Variants in PDGFC observed in about 807,000 individuals in gnomAD.
The protein encoded by PDGFC is platelet derived growth factor C, also known as platelet-derived growth factor C.
In PDGFC, 12 loss-of-function variants were observed where a neutral mutation model predicts 35.5. The ratio of observed to expected loss-of-function variants is 0.34; its 90% confidence interval spans 0.22 to 0.55. PDGFC has a LOEUF of 0.55. PDGFC is among the 20% of genes least tolerant of loss of function. The probability of loss-of-function intolerance (pLI) is 0.91; values close to 1 mark genes in which losing one functional copy is unlikely to be tolerated. For synonymous variants in PDGFC, 159 were observed against 148.8 expected, an observed-to-expected ratio of 1.07 and a Z score of -0.50; for missense variants, 322 against 412.4, an observed-to-expected ratio of 0.78 and a Z score of 1.90.
At chr4:156,825,614 G>A (rs186858615) in intron 2 of PDGFC, among the ~76,000 whole-genome samples, 1 of 137,116 alleles carries the variant, frequency 7.3e-6, no homozygotes, top group African/African-American at 2.7e-5. Context: ...AGAAGAAGAA[G>A]AAGAAGAAGA....
rs531446359 is a variant in PDGFC at position 156,882,530 on chromosome 4, C to T, written c.119-32114G>A. On this transcript the variant is annotated intron_variant, in intron 1 of 5. Coordinates refer to ENST00000502773, the MANE Select transcript of PDGFC (RefSeq NM_016205.3). The stretch of plus-strand genomic sequence containing the variant: ...TTTTGAAATAGTTAAGATTACTGTC[C>T]TTAATATATAAATATCCAGGGTATA... Among the ~76,000 whole-genome samples the T allele has an allele frequency of 9.2e-5, 14 of 152,076 alleles. No individual in the cohort carries two copies. The South Asian group carries it at 2.7e-3, about 29-fold the overall frequency.
At chr4:156,848,408 G>T (rs563414645) in intron 2 of PDGFC, among the ~76,000 whole-genome samples, 3 of 151,906 alleles carry the variant, frequency 2.0e-5, no homozygotes, top group African/African-American at 7.2e-5. Context: ...ACCATTGTCA[G>T]AAAGTCTCAA....
At chr4:156,924,464 G>C (rs1356380239) in intron 1 of PDGFC, among the ~76,000 whole-genome samples, 22 of 152,200 alleles carry the variant, frequency 1.4e-4, no homozygotes, top group Admixed American at 1.4e-3. Flanking sequence ...AAGGAAAATG[G>C]TGGTGGTAAG....
At chr4:156,944,794 C>T (rs1731899746) in intron 1 of PDGFC, among the ~76,000 whole-genome samples, 1 of 152,142 alleles carries the variant, frequency 6.6e-6, no homozygotes, top group African/African-American at 2.4e-5. Flanking sequence ...TGCTCCCTTG[C>T]TCCCCTACAG....
intron 1 of PDGFC, among the ~76,000 whole-genome samples, chr4:156,916,342 T>C (rs1354528888): frequency 6.6e-6 from 1 of 152,222 alleles, no homozygotes; most frequent in Non-Finnish European, 1.5e-5. Context: ...TAGTTGTTTA[T>C]GTCCCTCATC....
At chr4:156,836,397 C>G (rs550639641) in intron 2 of PDGFC, among the ~76,000 whole-genome samples, 1 of 152,152 alleles carries the variant, frequency 6.6e-6, no homozygotes, top group Non-Finnish European at 1.5e-5. Context: ...AAATGAGGAT[C>G]TTTTCATAAA....
rs199850837 is a variant in PDGFC at position 156,780,812 on chromosome 4, A to AC, written c.496-7920dup. ...AGAATGTATGCAAAGGTCAGCAATG[A>AC]CCCCCCCACATGGCTGAATCCAATG... On this transcript the variant is annotated intron_variant, in intron 3 of 5. Coordinates refer to ENST00000502773, the MANE Select transcript of PDGFC (RefSeq NM_016205.3). Among the ~76,000 whole-genome samples the AC allele has an allele frequency of 7.7e-3, 1,151 of 150,264 alleles. 69 individuals are homozygous for AC. In the East Asian group the frequency reaches 0.16, roughly 21 times the overall value.
intron 2 of PDGFC, among the ~76,000 whole-genome samples, chr4:156,835,086 G>GGA (rs1729031241): frequency 6.6e-6 from 1 of 152,070 alleles, no homozygotes; most frequent in African/African-American, 2.4e-5. Flanking sequence ...GGATAGGGTC[G>GGA]GAGAGGGCTG....
At chr4:156,837,206 C>G (rs1285576507) in intron 2 of PDGFC, among the ~76,000 whole-genome samples, 1 of 152,148 alleles carries the variant, frequency 6.6e-6, no homozygotes, top group African/African-American at 2.4e-5. Context: ...GTTAGAAGTA[C>G]TTTATTTTTA....
rs1343565105 is a variant in PDGFC, at chr4:156,760,855, C to G, written c.*2235G>C. ...AATGGATTAAACACAGTTAAACAGG[C>G]TATTTACTAAGACTTAGTAGTCTTT... On this transcript the variant is annotated 3_prime_UTR_variant, in exon 6 of 6. Coordinates refer to ENST00000502773, the MANE Select transcript of PDGFC (RefSeq NM_016205.3). 2 of 151,910 alleles carry G rather than the reference C, an allele frequency of 1.3e-5. No individual in the cohort carries two copies. Among genetic ancestry groups the G allele is most frequent in the African/African-American group, 2.4e-5 (1 of 41,340 alleles). 9.4% of individuals were successfully genotyped at this position (151,910 alleles called of 1,614,324 possible).
intron 1 of PDGFC, among the ~76,000 whole-genome samples, chr4:156,908,804 AT>A (rs1220488020): frequency 2.6e-5 from 4 of 152,202 alleles, no homozygotes; most frequent in Admixed American, 2.6e-4. Flanking sequence ...CAAGAGTATT[AT>A]TCATAATACC....
chr4:156,841,677 T>C (rs1004232704), intron 2 of PDGFC, among the ~76,000 whole-genome samples: 2 of 152,020 alleles, frequency 1.3e-5, no homozygotes, highest in Non-Finnish European at 2.9e-5. Flanking sequence ...CAGCTCATTT[T>C]CTTTTTTTGG....
intron 1 of PDGFC, among the ~76,000 whole-genome samples, chr4:156,913,781 C>A (rs1731096623): frequency 6.6e-6 from 1 of 152,124 alleles, no homozygotes; most frequent in Non-Finnish European, 1.5e-5. Flanking sequence ...CTGCAAGGAC[C>A]CCTCATGTTC....
At chr4:156,917,013 C>T (rs1313675390) in intron 1 of PDGFC, among the ~76,000 whole-genome samples, 4 of 152,084 alleles carry the variant, frequency 2.6e-5, no homozygotes, top group Non-Finnish European at 5.9e-5. Context: ...TCCCCTTAAG[C>T]CCTCTAATGA....
chr4:156,768,288 C>CA (rs1480445531), intron 4 of PDGFC, among the ~76,000 whole-genome samples: 3 of 136,136 alleles, frequency 2.2e-5, no homozygotes, highest in Non-Finnish European at 4.7e-5. Context: ...TTTATACAGA[C>CA]AAAAAAGGCC....
intron 1 of PDGFC, among the ~76,000 whole-genome samples, chr4:156,905,348 A>C (rs953695269): frequency 2.0e-5 from 3 of 152,138 alleles, no homozygotes; most frequent in Admixed American, 2.0e-4. Context: ...CAATTCTCAA[A>C]AAAAGCCTCA....
chr4:156,810,033 A>C (rs1278450131), intron 3 of PDGFC, among the ~76,000 whole-genome samples: 1 of 151,864 alleles, frequency 6.6e-6, no homozygotes, highest in Non-Finnish European at 1.5e-5. Context: ...TATTAAACTC[A>C]CTAAGTTCTG....
chr4:156,958,267 T>C (rs1243113475), intron 1 of PDGFC, among the ~76,000 whole-genome samples: 2 of 151,704 alleles, frequency 1.3e-5, no homozygotes, highest in Non-Finnish European at 2.9e-5. Flanking sequence ...GAAAATCCAG[T>C]TTAAATGCAG....
rs138037357 is a variant in PDGFC, at chr4:156,768,062, C to A, written c.704-72G>T. 741 of 869,908 alleles carry A rather than the reference C, an allele frequency of 8.5e-4. 10 individuals carry two copies. The African/African-American group carries it at 0.011, about 13-fold the overall frequency. 53.9% of individuals were successfully genotyped at this position (869,908 alleles called of 1,614,324 possible). A position where few individuals can be genotyped will look rare whatever the true frequency, so the allele number is the denominator to read the frequency against. On this transcript the variant is annotated intron_variant, in intron 4 of 5. Transcript: ENST00000502773. ...GAGCCTGAATGTATTTCATTAAGCT[C>A]TTTTCATAAAGAAATCTTACGTTAT...
Sources: gnomAD v4.1 joint callset for allele counts (sites outside exome capture counted in the v4.1 genomes callset) on GRCh38, gnomAD v4.1.1 for gene constraint, MANE v1.5 for transcripts, NCBI Gene and HGNC (gene_info 2026-07-23, HGNC 2026-07-21) for gene names.